RAP1B: variants seen among roughly 807,000 people sequenced by gnomAD.
RAP1B encodes the protein ras-related protein Rap-1b.
In RAP1B, 1 loss-of-function variant was observed where a neutral mutation model predicts 27.5. The ratio of observed to expected loss-of-function variants is 0.04; its 90% CI spans 0.01 to 0.17. The LOEUF (loss-of-function observed/expected upper bound fraction) is 0.17, where lower values mean the gene tolerates loss of function less well. RAP1B is among the 10% of genes least tolerant of loss of function. The pLI, the probability that RAP1B is intolerant of heterozygous loss-of-function variation, is 1.00. For synonymous variants in RAP1B, 75 were observed against 73.1 expected (o/e 1.03, Z -0.13); for missense variants, 84 against 214.8 (o/e 0.39, Z 3.81).
chr12:68,637,155 A>C (rs1872682297), intron 1 of RAP1B, among the ~76,000 whole-genome samples: 1 of 152,212 alleles, frequency 6.6e-6, no homozygotes, highest in Non-Finnish European at 1.5e-5. Flanking sequence ...TTTATAGACC[A>C]AATAGTGGGT....
intron 1 of RAP1B, among the ~76,000 whole-genome samples, chr12:68,619,123 G>A (rs1871223087): frequency 6.6e-6 from 1 of 152,058 alleles, no homozygotes; most frequent in Non-Finnish European, 1.5e-5. Flanking sequence ...AAAACACTTG[G>A]CAGCATACTG....
At chr12:68,650,677 G>T in intron 3 of RAP1B, 1 of 353,500 alleles carries the variant, frequency 2.8e-6, no homozygotes, top group Non-Finnish European at 4.8e-6. Flanking sequence ...AGAATTTTTT[G>T]TAATTTGACA....
intron 3 of RAP1B, among the ~76,000 whole-genome samples, chr12:68,651,430 CT>C (rs1385185610): frequency 6.6e-6 from 1 of 151,922 alleles, no homozygotes; most frequent in East Asian, 1.9e-4. Context: ...GACAGTATTA[CT>C]CTTTTCTTTC....
chr12:68,634,005 A>T (rs1872454263), intron 1 of RAP1B, among the ~76,000 whole-genome samples: 1 of 152,206 alleles, frequency 6.6e-6, no homozygotes, highest in African/African-American at 2.4e-5. Flanking sequence ...AAGGTAGTGG[A>T]GTAGAGAGAA....
At chr12:68,611,225 C>CGAGCGCGCTGCCTTGCGGGCCG (rs1870549358) in intron 1 of RAP1B, among the ~76,000 whole-genome samples, 182 bp downstream of exon 1, 1 of 146,994 alleles carries the variant, frequency 6.8e-6, no homozygotes, top group South Asian at 2.1e-4. Context: ...GCGCCGGGCC[C>CGAGCGCGCTGCCTTGCGGGCCG]GCGAGCGCGC....
In RAP1B at chr12:68,618,394, A is replaced by G. The variant is rs539088928; in HGVS notation, c.-27+7351A>G. On this transcript the variant is annotated intron_variant, in intron 1 of 7. Transcript: ENST00000250559. ...TGAGCCACCTTGCCTGGCCCTATAA[A>G]GCTTTTATTCTCCTATGGCATTGCT... Among the ~76,000 whole-genome samples, 5 of 152,216 alleles carry G rather than the reference A, an allele frequency of 3.3e-5. No homozygotes were observed. In the South Asian group the frequency reaches 6.2e-4, roughly 19 times the overall value.
chr12:68,612,006 C>T (rs752807845), intron 1 of RAP1B, among the ~76,000 whole-genome samples: 2 of 152,160 alleles, frequency 1.3e-5, no homozygotes, highest in Non-Finnish European at 2.9e-5. Context: ...CTCTCCCACT[C>T]TCTTTAATAG....
At chr12:68,635,291 C>A (rs957989365) in intron 1 of RAP1B, among the ~76,000 whole-genome samples, 1 of 152,064 alleles carries the variant, frequency 6.6e-6, no homozygotes, top group Non-Finnish European at 1.5e-5. Flanking sequence ...GTCCTTCTGA[C>A]AGTTGAATTA....
At chr12:68,636,612 G>C (rs998358059) in intron 1 of RAP1B, among the ~76,000 whole-genome samples, 1 of 152,108 alleles carries the variant, frequency 6.6e-6, no homozygotes, top group African/African-American at 2.4e-5. Flanking sequence ...ATTTTTTGTA[G>C]AAGTGTGGTT....
chr12:68,619,072 C>G (rs1233194804), intron 1 of RAP1B, among the ~76,000 whole-genome samples: 2 of 152,200 alleles, frequency 1.3e-5, no homozygotes, highest in Non-Finnish European at 2.9e-5. Context: ...TGCGCTTCAA[C>G]CTGGGTGACA....
chr12:68,653,311 G>A (rs144676110), intron 4 of RAP1B, among the ~76,000 whole-genome samples: 295 of 152,182 alleles, frequency 1.9e-3, no homozygotes, highest in African/African-American at 6.7e-3. Context: ...ATTTGTTCTC[G>A]GTGTATGGTA....
chr12:68,613,694 C>CTAGCGCGTTGCCTGGGCACAGTG lies in RAP1B; in HGVS notation c.-27+2677_-27+2699dup, dbSNP rs780839882. 7.2e-5 allele frequency among the ~76,000 whole-genome samples: 11 copies of CTAGCGCGTTGCCTGGGCACAGTG among 152,274 alleles called. No homozygotes were observed. The East Asian group carries it at 7.7e-4, about 11-fold the overall frequency. ...CATTTCATTCTTCACAGTAATCTTC[C>CTAGCGCGTTGCCTGGGCACAGTG]TAGCGCGTTGCCTGGGCACAGTGTA... On this transcript the variant is annotated intron_variant, in intron 1 of 7. Coordinates refer to ENST00000250559, the MANE Select transcript of RAP1B (RefSeq NM_001010942.3).
In RAP1B at chr12:68,610,997, G is replaced by T. The variant is rs921680720; in HGVS notation, c.-73G>T. 1 of 326,256 alleles carries T rather than the reference G, an allele frequency of 3.1e-6. No individual in the cohort carries two copies. The highest frequency in any genetic ancestry group is 4.3e-5 in the East Asian group (1 of 23,156). 20.2% of individuals were successfully genotyped at this position (326,256 alleles called of 1,614,324 possible). A position where few individuals can be genotyped will look rare whatever the true frequency, so the allele number is the denominator to read the frequency against. Reference sequence around the variant, plus strand: ...GGCGCCTAGAGTAGCGACCCGGGGGGAGCGCGGGGCGACGCTGGCTGCAGG... The same window carrying T: ...GGCGCCTAGAGTAGCGACCCGGGGGTAGCGCGGGGCGACGCTGGCTGCAGG... On this transcript the variant is annotated 5_prime_UTR_variant, in exon 1 of 8. Coordinates refer to ENST00000250559, the MANE Select transcript of RAP1B (RefSeq NM_001010942.3).
chr12:68,619,198 A>G (rs927213802), intron 1 of RAP1B, among the ~76,000 whole-genome samples: 1 of 152,242 alleles, frequency 6.6e-6, no homozygotes, highest in African/African-American at 2.4e-5. Flanking sequence ...ATCAATCTTC[A>G]TATAATGCCA....
intron 1 of RAP1B, among the ~76,000 whole-genome samples, chr12:68,637,379 C>T (rs1028421788): frequency 7.9e-5 from 12 of 151,998 alleles, no homozygotes; most frequent in African/African-American, 2.9e-4. Flanking sequence ...GGGTGGATCA[C>T]CTTAGGTCAG....
intron 1 of RAP1B, among the ~76,000 whole-genome samples, chr12:68,625,053 C>T (rs1054596083): frequency 6.6e-6 from 1 of 152,202 alleles, no homozygotes; most frequent in African/African-American, 2.4e-5. Flanking sequence ...ACGATGCACA[C>T]ATAATGCATG....
rs1486753390 is a variant in RAP1B, at chr12:68,670,798, G to C, written c.*11549G>C. On this transcript the variant is annotated 3_prime_UTR_variant, in exon 8 of 8. Coordinates refer to ENST00000250559, the MANE Select transcript of RAP1B (RefSeq NM_001010942.3). ...AATCCCAACACTTTGGGAGGCCGAG[G>C]CGGGTGGATCACCTGAGGTCAGGAG... 5 of 152,178 alleles carry C rather than the reference G, an allele frequency of 3.3e-5. No individual in the cohort carries two copies. Among genetic ancestry groups the C allele is most frequent in the South Asian group, 2.1e-4 (1 of 4,830 alleles). The allele number at this position is 152,178 out of a possible 1,614,324, so 9.4% of individuals were successfully genotyped here.
chr12:68,655,745 A>G (rs1289235658), intron 5 of RAP1B, among the ~76,000 whole-genome samples: 1 of 152,172 alleles, frequency 6.6e-6, no homozygotes, highest in African/African-American at 2.4e-5. Context: ...CATGTTGGCC[A>G]GGCTGGTCTC....
rs1017713363 is a variant in RAP1B, at chr12:68,667,665, C to G, written c.*8416C>G. ...TTTACATGTTTAAGATACAAACTTACAGTTCCCAGAAGTCAATTCAGTCAT... is the reference window on the plus strand; with the variant it reads ...TTTACATGTTTAAGATACAAACTTAGAGTTCCCAGAAGTCAATTCAGTCAT... On this transcript the variant is annotated 3_prime_UTR_variant, in exon 8 of 8. Transcript: ENST00000250559. The G allele has an allele frequency of 6.6e-6, 1 of 152,144 alleles. No individual in the cohort carries two copies. Among genetic ancestry groups the G allele is most frequent in the South Asian group, 2.1e-4 (1 of 4,828 alleles). 9.4% of individuals were successfully genotyped at this position (152,144 alleles called of 1,614,324 possible). A position where few individuals can be genotyped will look rare whatever the true frequency, so the allele number is the denominator to read the frequency against.
Sources: gnomAD v4.1 joint callset for allele counts (sites outside exome capture counted in the v4.1 genomes callset) on GRCh38, gnomAD v4.1.1 for gene constraint, MANE v1.5 for transcripts, NCBI Gene and HGNC (gene_info 2026-07-23, HGNC 2026-07-21) for gene names.